The following ZNF827 variants were observed in gnomAD, a reference collection of about 807,000 sequenced individuals.
ZNF827 encodes zinc finger protein 827.
A neutral mutation model predicts 102.4 loss-of-function variants in ZNF827; 13 were observed. The observed-to-expected ratio is 0.13, with a 90% CI of 0.08 to 0.20. ZNF827 has a LOEUF of 0.20. Among genes scored for constraint, ZNF827 ranks in the 10% least tolerant of loss-of-function variants. The pLI, the probability that ZNF827 is intolerant of heterozygous loss-of-function variation, is 1.00. For synonymous variants in ZNF827, 523 were observed against 536.2 expected (o/e 0.98, Z 0.34); for missense variants, 1,103 against 1,344.4 (o/e 0.82, Z 2.81).
At chr4:145,928,597 A>G (rs1006890048) in intron 1 of ZNF827, among the ~76,000 whole-genome samples, 1 of 152,192 alleles carries the variant, frequency 6.6e-6, no homozygotes, top group African/African-American at 2.4e-5. Context: ...AGAACCTACA[A>G]TGGTCTCCCA....
At chr4:145,781,195 C>CAAAAAAAAAAAAAAAAA (rs10605153) in intron 8 of ZNF827, among the ~76,000 whole-genome samples, 16 of 56,546 alleles carry the variant, frequency 2.8e-4, no homozygotes, top group African/African-American at 5.6e-4. Flanking sequence ...GACACCATCT[C>CAAAAAAAAAAAAAAAAA]AAAAAAAAAA....
chr4:145,842,528 C>T (rs1185198071), intron 7 of ZNF827, among the ~76,000 whole-genome samples: 1 of 152,116 alleles, frequency 6.6e-6, no homozygotes, highest in African/African-American at 2.4e-5. Flanking sequence ...AAATGAGCAT[C>T]GAGATAAATA....
Position 145,763,236 on chromosome 4 carries a change from C to A in ZNF827, c.3231-114G>T, listed in dbSNP as rs1246185295. ...CAATTTAGACATCAGCAGTCTGTTTCATTTTAAGGACATTTCTGTGACCCA... is the reference window on the plus strand; with the variant it reads ...CAATTTAGACATCAGCAGTCTGTTTAATTTTAAGGACATTTCTGTGACCCA... On this transcript the variant is annotated intron_variant, in intron 13 of 14. Transcript: ENST00000508784. This position sits in a 1 kb window ranked among gnomAD's most constrained non-coding sequence, Gnocchi z 4.6. The A allele has an allele frequency of 7.5e-6, 8 of 1,068,522 alleles. No individual in the cohort carries two copies. The highest frequency in any genetic ancestry group is 1.1e-5 in the Non-Finnish European group (8 of 745,618). 66.2% of individuals were successfully genotyped at this position (1,068,522 alleles called of 1,614,324 possible). A position where few individuals can be genotyped will look rare whatever the true frequency, so the allele number is the denominator to read the frequency against.
intron 7 of ZNF827, among the ~76,000 whole-genome samples, chr4:145,834,132 A>G (rs1391122421): frequency 3.9e-5 from 6 of 152,178 alleles, no homozygotes; most frequent in African/African-American, 1.4e-4. Flanking sequence ...ACCCCAATAC[A>G]AACTCGACAG....
chr4:145,821,437 C>G (rs1018642777), intron 8 of ZNF827, among the ~76,000 whole-genome samples: 3 of 152,166 alleles, frequency 2.0e-5, no homozygotes, highest in Non-Finnish European at 4.4e-5. Context: ...ATTATTGAGG[C>G]CTTCCTTACA....
chr4:145,811,663 C>T (rs1332102453), intron 8 of ZNF827, among the ~76,000 whole-genome samples: 1 of 152,160 alleles, frequency 6.6e-6, no homozygotes, highest in East Asian at 1.9e-4. Flanking sequence ...AAAAGAAATA[C>T]AGATATATCC....
chr4:145,831,078 C>G (rs1414274244), intron 7 of ZNF827: 2 of 152,162 alleles, frequency 1.3e-5, no homozygotes, highest in African/African-American at 4.8e-5. Flanking sequence ...CTTCCCTTTT[C>G]AATACCACAG....
rs1197606406 is a variant in ZNF827, at chr4:145,762,059, G to C, written c.*18-461C>G. On this transcript the variant is annotated intron_variant, in intron 14 of 14. Coordinates refer to ENST00000508784, the MANE Select transcript of ZNF827 (RefSeq NM_001306215.2). The surrounding 1 kb of genome is among the most constrained non-coding windows in gnomAD (Gnocchi z 4.9). ...CACCACACCAAGCACACGCAGAAAGGCTAAGAGGTTTTAAAGAACAGCTTA... is the reference window on the plus strand; with the variant it reads ...CACCACACCAAGCACACGCAGAAAGCCTAAGAGGTTTTAAAGAACAGCTTA... Among the ~76,000 whole-genome samples, 1 of 152,168 alleles carries C rather than the reference G, an allele frequency of 6.6e-6. No homozygotes were observed. The highest frequency in any genetic ancestry group is 1.5e-5 in the Non-Finnish European group (1 of 68,032).
rs1560875565 is a variant in ZNF827, at chr4:145,758,881, GA to G, written c.*2734del. ...GTGTAGCACACCTACTAGGTGTGGGGAAGAGGGGCTGGCGTGGAGGGGACTG... is the reference window on the plus strand; with the variant it reads ...GTGTAGCACACCTACTAGGTGTGGGGAGAGGGGCTGGCGTGGAGGGGACTG... On this transcript the variant is annotated 3_prime_UTR_variant, in exon 15 of 15. Transcript: ENST00000508784. The G allele has an allele frequency of 6.6e-6, 1 of 152,406 alleles. No homozygotes were observed. The highest frequency in any genetic ancestry group is 1.5e-5 in the Non-Finnish European group (1 of 68,204). 9.4% of individuals were successfully genotyped at this position (152,406 alleles called of 1,614,324 possible). A position where few individuals can be genotyped will look rare whatever the true frequency, so the allele number is the denominator to read the frequency against.
At chr4:145,780,323 C>T (rs953364001) in intron 8 of ZNF827, among the ~76,000 whole-genome samples, 19 of 152,222 alleles carry the variant, frequency 1.2e-4, no homozygotes, top group African/African-American at 4.6e-4. Context: ...CTTTGCTCTT[C>T]ATTCCAGTTT....
At chr4:145,803,574 T>C (rs1255539448) in intron 8 of ZNF827, among the ~76,000 whole-genome samples, 1 of 152,216 alleles carries the variant, frequency 6.6e-6, no homozygotes, top group Non-Finnish European at 1.5e-5. Flanking sequence ...AGAGCTAATA[T>C]TATCATCTTG....
intron 1 of ZNF827, among the ~76,000 whole-genome samples, chr4:145,932,475 A>ATTT (rs59749911): frequency 1.5e-5 from 2 of 136,310 alleles, no homozygotes; most frequent in Non-Finnish European, 1.6e-5. Context: ...AACTCCTTGT[A>ATTT]TTTTTTTTTT....
chr4:145,771,273 C>T (rs537498805), intron 11 of ZNF827, among the ~76,000 whole-genome samples: 1 of 151,996 alleles, frequency 6.6e-6, no homozygotes, highest in Non-Finnish European at 1.5e-5. Context: ...TCAGATCTCT[C>T]GATTGTTTTC....
intron 7 of ZNF827, among the ~76,000 whole-genome samples, chr4:145,825,647 G>A (rs938237897): frequency 6.6e-6 from 1 of 152,176 alleles, no homozygotes; most frequent in African/African-American, 2.4e-5. Context: ...AGGCTGCTGT[G>A]CTATGTGCTG....
chr4:145,897,398 C>T (rs1751065665), intron 2 of ZNF827, among the ~76,000 whole-genome samples: 1 of 152,172 alleles, frequency 6.6e-6, no homozygotes. Context: ...TGGGTGGTTT[C>T]TGCGTATATA....
chr4:145,803,213 T>G (rs914016283), intron 8 of ZNF827, among the ~76,000 whole-genome samples: 1 of 152,204 alleles, frequency 6.6e-6, no homozygotes, highest in African/African-American at 2.4e-5. Flanking sequence ...CAAAAAATTT[T>G]AAAAGCCACC....
At chr4:145,867,925 A>G (rs561404026) in intron 5 of ZNF827, among the ~76,000 whole-genome samples, 38 of 152,338 alleles carry the variant, frequency 2.5e-4, no homozygotes, top group African/African-American at 9.1e-4. Flanking sequence ...ATCTGAAGAC[A>G]CAAGTCCTTT....
At chr4:145,788,776 A>G (rs2127039735) in intron 8 of ZNF827, among the ~76,000 whole-genome samples, 1 of 152,352 alleles carries the variant, frequency 6.6e-6, no homozygotes, top group East Asian at 1.9e-4. Context: ...TTAAGGTCTT[A>G]GCAATGGGCC....
intron 8 of ZNF827, among the ~76,000 whole-genome samples, chr4:145,813,494 C>T (rs1742254775): frequency 6.8e-6 from 1 of 147,622 alleles, no homozygotes; most frequent in South Asian, 2.3e-4. Flanking sequence ...TTTCAGGCCT[C>T]CACTAGGGGT....
Sources: allele counts gnomAD v4.1 joint callset (sites outside exome capture counted in the v4.1 genomes callset), GRCh38; gene constraint gnomAD v4.1.1; non-coding constraint Gnocchi (gnomAD v3.1); transcripts MANE v1.5; gene names NCBI Gene and HGNC (gene_info 2026-07-23, HGNC 2026-07-21).